The following PREX2 variants were observed in gnomAD, a reference collection of about 807,000 sequenced individuals.
PREX2 encodes the protein phosphatidylinositol-3,4,5-trisphosphate dependent Rac exchange factor 2.
A neutral mutation model predicts 203.2 loss-of-function variants in PREX2; 107 were observed. The observed-to-expected ratio is 0.53, with a 90% CI of 0.45 to 0.62. The LOEUF (loss-of-function observed/expected upper bound fraction) is 0.62. PREX2 is among the 20% of genes least tolerant of loss of function. The pLI is 0.00. For synonymous variants in PREX2, 672 were observed against 663.6 expected, an observed-to-expected ratio of 1.01 and a Z score of -0.19; for missense variants, 1,777 against 1,955.9, an observed-to-expected ratio of 0.91 and a Z score of 1.72.
Position 68,080,544 on chromosome 8 carries a change from G to T in PREX2, c.1744G>T (p.Asp582Tyr). ...TATGAAACATCGACTTATGAAACAT[G>T]ACTTAAAAGTTGTGGAAAATGTTAT... Reference protein sequence around the residue: ...SNMKHRLMKHDLKVVENVIAK... With the variant: ...SNMKHRLMKHYLKVVENVIAK... Residue 582 changes from aspartate to tyrosine, a missense_variant, in exon 16 of 40, where the codon GAC (aspartate) becomes TAC (tyrosine). Asp to Tyr is a radical substitution (Grantham distance 160, BLOSUM62 -3). Transcript: ENST00000288368. The T allele has an allele frequency of 6.2e-7, 1 of 1,609,878 alleles. No individual in the cohort carries two copies. The highest frequency in any genetic ancestry group is 1.1e-5 in the South Asian group (1 of 90,658).
intron 35 of PREX2, among the ~76,000 whole-genome samples, chr8:68,184,700 G>A (rs1178866695): frequency 6.6e-6 from 1 of 152,104 alleles, no homozygotes; most frequent in Non-Finnish European, 1.5e-5. Flanking sequence ...GAGGCTCTTA[G>A]GCCTTAATCA....
chr8:68,142,278 C>A (rs931616038), intron 33 of PREX2, among the ~76,000 whole-genome samples: 4 of 152,134 alleles, frequency 2.6e-5, no homozygotes, highest in African/African-American at 9.7e-5. Flanking sequence ...TATGGATTGC[C>A]TGTTCATTCC....
intron 1 of PREX2, among the ~76,000 whole-genome samples, chr8:67,957,114 C>G (rs1022135472): frequency 6.6e-6 from 1 of 152,196 alleles, no homozygotes; most frequent in African/African-American, 2.4e-5. Context: ...AAGAGCCATG[C>G]CTATGATCAT....
chr8:68,122,910 C>T (rs1279670329), intron 30 of PREX2, among the ~76,000 whole-genome samples: 6 of 151,944 alleles, frequency 3.9e-5, no homozygotes, highest in Admixed American at 1.3e-4. Context: ...TGCTGAGAAG[C>T]GTTTTATGTC....
At chr8:68,098,938 G>A (rs867133063) in intron 22 of PREX2, among the ~76,000 whole-genome samples, 2,567 of 109,616 alleles carry the variant, frequency 0.023, 117 homozygotes, top group African/African-American at 0.081. Context: ...ATATATATGT[G>A]TATATATATA....
intron 8 of PREX2, among the ~76,000 whole-genome samples, chr8:68,046,424 T>C (rs1336608771): frequency 6.6e-6 from 1 of 152,080 alleles, no homozygotes; most frequent in Non-Finnish European, 1.5e-5. Flanking sequence ...AATGAGATCC[T>C]ATGAAGGGTG....
At chr8:67,954,431 A>T (rs1805435508) in intron 1 of PREX2, among the ~76,000 whole-genome samples, 1 of 152,170 alleles carries the variant, frequency 6.6e-6, no homozygotes, top group Admixed American at 6.5e-5. Context: ...TTTACTCCCC[A>T]TGGAGTTTTC....
At position 67,952,451 on chromosome 8, in the gene PREX2, G is replaced by A. The variant is rs1452295383; in HGVS notation, c.57G>A (p.Lys19=). Residue 19 remains lysine, a synonymous_variant, in exon 1 of 40, where the codon AAG becomes AAA. Coordinates refer to ENST00000288368, the MANE Select transcript of PREX2 (RefSeq NM_024870.4). ...CCGAGAGCGCCAAGGACCTGGAGAA[G>A]CAGCTTCGCCTGCGCGTGTGCGTGC... ...SRAESAKDLE[K]QLRLRVCVLS... 1.9e-6 allele frequency: 3 copies of A among 1,597,138 alleles called. No homozygotes were observed. The highest frequency in any genetic ancestry group is 2.6e-6 in the Non-Finnish European group (3 of 1,172,390).
At chr8:68,011,279 A>G (rs771267529) in intron 1 of PREX2, among the ~76,000 whole-genome samples, 10 of 152,086 alleles carry the variant, frequency 6.6e-5, no homozygotes, top group Admixed American at 1.3e-4. Flanking sequence ...AACAAATGCT[A>G]TTTTAAAACT....
rs563841064 is a variant in PREX2, at chr8:68,184,450, A to G, written c.4347-7272A>G. On this transcript the variant is annotated intron_variant, in intron 35 of 39. Coordinates refer to ENST00000288368, the MANE Select transcript of PREX2 (RefSeq NM_024870.4). ...CTGTTACCATTCTTTTCTGAAATGC[A>G]GAACACTTGATCAAATCCAAAATAC... is the stretch of plus-strand genomic sequence containing the variant. 1.2e-3 allele frequency among the ~76,000 whole-genome samples: 181 copies of G among 152,328 alleles called. 2 individuals are homozygous for G. The highest frequency in any genetic ancestry group is 3.4e-3 in the Middle Eastern group (1 of 294).
At chr8:68,039,623 G>A (rs1808135002) in intron 7 of PREX2, among the ~76,000 whole-genome samples, 1 of 152,114 alleles carries the variant, frequency 6.6e-6, no homozygotes, top group Non-Finnish European at 1.5e-5. Context: ...CTCAACCACA[G>A]CATGGAAGAA....
chr8:68,042,974 G>A (rs1048017042), intron 7 of PREX2, among the ~76,000 whole-genome samples: 2 of 152,016 alleles, frequency 1.3e-5, no homozygotes, highest in Non-Finnish European at 2.9e-5. Flanking sequence ...GACTAAAACT[G>A]TTAAGGATAT....
intron 33 of PREX2, among the ~76,000 whole-genome samples, chr8:68,145,293 A>G (rs1811302994): frequency 6.6e-6 from 1 of 152,174 alleles, no homozygotes; most frequent in African/African-American, 2.4e-5. Context: ...ATAGATGTTA[A>G]TGTCATGTTT....
chr8:68,047,467 ATT>A (rs1218410379), intron 8 of PREX2, among the ~76,000 whole-genome samples: 2 of 36,032 alleles, frequency 5.6e-5, no homozygotes, highest in African/African-American at 1.3e-4. Context: ...AAATGGATGA[ATT>A]TATATATATA....
intron 37 of PREX2, among the ~76,000 whole-genome samples, chr8:68,201,142 G>T (rs1812492671): frequency 6.6e-6 from 1 of 151,850 alleles, no homozygotes; most frequent in Non-Finnish European, 1.5e-5. Context: ...TCATTTTCTG[G>T]AATATATTAC....
intron 31 of PREX2, among the ~76,000 whole-genome samples, chr8:68,131,436 AGGCCCCAGCTTGGATCCTCTAGTAGTT>A (rs1170870664): frequency 6.6e-6 from 1 of 152,236 alleles, no homozygotes; most frequent in Non-Finnish European, 1.5e-5. Flanking sequence ...AATATGGCTG[AGGCCCCAGCTTGGATCCTCTAGTAGTT>A]GTTGCAGCTG....
At chr8:67,964,718 A>G (rs1405695317) in intron 1 of PREX2, among the ~76,000 whole-genome samples, 2 of 152,174 alleles carry the variant, frequency 1.3e-5, no homozygotes, top group Non-Finnish European at 2.9e-5. Context: ...GTTTCCAGAA[A>G]AAAAATTCCA....
At chr8:67,974,096 A>G (rs899588617) in intron 1 of PREX2, among the ~76,000 whole-genome samples, 1 of 152,240 alleles carries the variant, frequency 6.6e-6, no homozygotes, top group African/African-American at 2.4e-5. Context: ...AAAATGTGCT[A>G]TATACCTTTC....
intron 39 of PREX2, 68 bp downstream of exon 39, chr8:68,224,694 C>T (rs185925949): frequency 1.4e-5 from 16 of 1,173,570 alleles, no homozygotes; most frequent in African/African-American, 4.5e-5. Flanking sequence ...AGTGTCCCTC[C>T]GCTAATGCAA....
Sources: allele counts gnomAD v4.1 joint callset (sites outside exome capture counted in the v4.1 genomes callset), GRCh38; gene constraint gnomAD v4.1.1; transcripts MANE v1.5; gene names NCBI Gene and HGNC (gene_info 2026-07-23, HGNC 2026-07-21).